CDHR3: variants seen among roughly 807,000 people sequenced by gnomAD.
The protein encoded by CDHR3 is cadherin related family member 3, also known as cadherin-related family member 3.
A neutral mutation model predicts 86.6 loss-of-function variants in CDHR3; 79 were observed. The ratio of observed to expected loss-of-function variants is 0.91; its 90% CI spans 0.76 to 1.10. CDHR3 has a LOEUF of 1.10. CDHR3 is among the 50% of genes least tolerant of loss of function. CDHR3 has a pLI of 0.00. For missense variants in CDHR3, 1,081 were observed against 1,077.6 expected, an observed-to-expected ratio of 1.00 and a Z score of -0.04; for synonymous variants, 421 against 402.4, an observed-to-expected ratio of 1.05 and a Z score of -0.55.
chr7:105,984,400 T>C lies in CDHR3; in HGVS notation c.513+111T>C, dbSNP rs916993908. ...GTTTGGGCAGTGGCAGTCAGGGGAA[T>C]GTGCGTCCACTTCCAAACACAGTGT... On this transcript the variant is annotated intron_variant, in intron 4 of 18. Coordinates refer to ENST00000317716, the MANE Select transcript of CDHR3 (RefSeq NM_152750.5). 4.9e-5 allele frequency: 32 copies of C among 656,638 alleles called. No individual in the cohort carries two copies. In the African/African-American group the frequency reaches 5.1e-4, roughly 10 times the overall value. The allele number at this position is 656,638 out of a possible 1,614,324, so 40.7% of individuals were successfully genotyped here. A position where few individuals can be genotyped will look rare whatever the true frequency, so the allele number is the denominator to read the frequency against.
Position 106,032,898 on chromosome 7 carries a change from A to T in CDHR3, c.*201A>T, listed in dbSNP as rs1838594130. 7.1e-6 allele frequency: 4 copies of T among 561,798 alleles called. No homozygotes were observed. Among genetic ancestry groups the T allele is most frequent in the Non-Finnish European group, 1.3e-5 (4 of 319,942 alleles). 34.8% of individuals were successfully genotyped at this position (561,798 alleles called of 1,614,324 possible). On this transcript the variant is annotated 3_prime_UTR_variant, in exon 19 of 19. Coordinates refer to ENST00000317716, the MANE Select transcript of CDHR3 (RefSeq NM_152750.5). ...ATAGTTGCGTGTTCTGAAATGATAC[A>T]GGAACATTTTCTATCAGATTTCAGA...
chr7:106,008,979 G>T (rs1314353728), intron 8 of CDHR3, among the ~76,000 whole-genome samples: 2 of 152,144 alleles, frequency 1.3e-5, no homozygotes, highest in Non-Finnish European at 2.9e-5. Context: ...CTGCAGTCCA[G>T]AGTCCCCTGG....
At chr7:106,008,412 G>T (rs957510287) in intron 8 of CDHR3, among the ~76,000 whole-genome samples, 1 of 152,114 alleles carries the variant, frequency 6.6e-6, no homozygotes, top group African/African-American at 2.4e-5. Context: ...GGTGGTAAGG[G>T]TGCTTCACTC....
chr7:105,982,158 A>G (rs1052811795), intron 3 of CDHR3, among the ~76,000 whole-genome samples: 4 of 152,132 alleles, frequency 2.6e-5, no homozygotes, highest in African/African-American at 9.7e-5. Flanking sequence ...CGTCTCACTC[A>G]AAGGGAGTCT....
chr7:106,020,090 A>G (rs1181377089), intron 12 of CDHR3, among the ~76,000 whole-genome samples: 1 of 152,232 alleles, frequency 6.6e-6, no homozygotes, highest in Non-Finnish European at 1.5e-5. Flanking sequence ...GTGCACACAC[A>G]CATGCATATG....
chr7:106,032,741 C>T lies in CDHR3; in HGVS notation c.*44C>T. The T allele has an allele frequency of 1.3e-6, 2 of 1,549,802 alleles. No homozygotes were observed. The highest frequency in any genetic ancestry group is 1.7e-6 in the Non-Finnish European group (2 of 1,144,788). On this transcript the variant is annotated 3_prime_UTR_variant, in exon 19 of 19. Coordinates refer to ENST00000317716, the MANE Select transcript of CDHR3 (RefSeq NM_152750.5). ...CCTGTCAATCACTGAGATGCTGCCT[C>T]ACCCTAAATTCTATGGGGATGGTGT...
chr7:105,976,927 T>A (rs1167909497), intron 2 of CDHR3, among the ~76,000 whole-genome samples: 3 of 152,100 alleles, frequency 2.0e-5, no homozygotes, highest in Non-Finnish European at 4.4e-5. Flanking sequence ...ATGAAGATGA[T>A]CATGTTCCTT....
Position 105,998,225 on chromosome 7 carries a change from C to A in CDHR3, c.713+1871C>A, listed in dbSNP as rs200040709. Among the ~76,000 whole-genome samples the A allele has an allele frequency of 2.0e-5, 3 of 152,216 alleles. No individual in the cohort carries two copies. The East Asian group carries it at 5.8e-4, about 29-fold the overall frequency. ...TCAGTGCTAGCACTAACGATAACTT[C>A]TTTAATTCAGGATTAACAAAATTAA... On this transcript the variant is annotated intron_variant, in intron 6 of 18. Coordinates refer to ENST00000317716, the MANE Select transcript of CDHR3 (RefSeq NM_152750.5).
intron 1 of CDHR3, among the ~76,000 whole-genome samples, chr7:105,972,846 G>A (rs1181866186): frequency 1.3e-5 from 2 of 152,100 alleles, no homozygotes; most frequent in Non-Finnish European, 2.9e-5. Flanking sequence ...TTCTGCGAGC[G>A]ACAATAACTT....
chr7:106,006,813 G>A (rs541556914), intron 8 of CDHR3, among the ~76,000 whole-genome samples: 2 of 152,338 alleles, frequency 1.3e-5, no homozygotes, highest in South Asian at 2.1e-4. Flanking sequence ...CTGGAGGACA[G>A]TGGCCCTCTT....
intron 4 of CDHR3, among the ~76,000 whole-genome samples, chr7:105,988,354 A>G (rs1299223531): frequency 6.6e-6 from 1 of 152,224 alleles, no homozygotes; most frequent in African/African-American, 2.4e-5. Context: ...TTCAAGAACC[A>G]CTGGACTGAA....
chr7:106,017,949 T>C lies in CDHR3; in HGVS notation c.1530T>C (p.Asn510=). 2 of 1,613,516 alleles carry C rather than the reference T, an allele frequency of 1.2e-6. No individual in the cohort carries two copies. The highest frequency in any genetic ancestry group is 1.3e-5 in the African/African-American group (1 of 75,004). ...STGGASLQYP[N]VFWINPKTGE... is the part of the protein sequence containing the mutation. Reference sequence around the variant, plus strand: ...GAGGGGCCAGCCTCCAGTATCCAAATGTATTTTGGATTAATCCCAAGACAG... The same window carrying C: ...GAGGGGCCAGCCTCCAGTATCCAAACGTATTTTGGATTAATCCCAAGACAG... Residue 510 remains asparagine (N), a synonymous_variant, in exon 12 of 19, where the codon AAT becomes AAC. Coordinates refer to ENST00000317716, the MANE Select transcript of CDHR3 (RefSeq NM_152750.5).
chr7:105,975,015 G>A lies in CDHR3; in HGVS notation c.218G>A (p.Arg73Lys), dbSNP rs1255804010. The A allele has an allele frequency of 2.5e-6, 4 of 1,613,948 alleles. No individual in the cohort carries two copies. Among genetic ancestry groups the A allele is most frequent in the Non-Finnish European group, 3.4e-6 (4 of 1,179,848 alleles). The change falls in exon 2 of 19, where the codon AGG becomes AAG. Residue 73 changes from arginine to lysine, a missense_variant. Arg to Lys is a conservative substitution (Grantham distance 26). Coordinates refer to ENST00000317716, the MANE Select transcript of CDHR3 (RefSeq NM_152750.5). ...TCAAATCCCCTCACTGAAGCTTTTA[G>A]GGTGAATTGGCTGTCAGGCACCTAC... ...VNSNPLTEAF[R>K]VNWLSGTYFE...
At chr7:105,978,071 T>G (rs1424810527) in intron 2 of CDHR3, among the ~76,000 whole-genome samples, 1 of 152,192 alleles carries the variant, frequency 6.6e-6, no homozygotes, top group Non-Finnish European at 1.5e-5. Flanking sequence ...ATAGAGAGGT[T>G]GAGCAACTTG....
chr7:106,030,476 G>A lies in CDHR3; in HGVS notation c.2305-316G>A, dbSNP rs1452947946. ...CTACGCTCAGATTTTATTTACTCAGGATGCTTCCTTAACCCCCAAGTGTGG... is the reference window on the plus strand; with the variant it reads ...CTACGCTCAGATTTTATTTACTCAGAATGCTTCCTTAACCCCCAAGTGTGG... On this transcript the variant is annotated intron_variant, in intron 17 of 18. Transcript: ENST00000317716. The surrounding 1 kb of genome is among the most constrained non-coding windows in gnomAD (Gnocchi z 4.8). 6.6e-6 allele frequency among the ~76,000 whole-genome samples: 1 copy of A among 152,146 alleles called. No individual in the cohort carries two copies. The highest frequency in any genetic ancestry group is 1.5e-5 in the Non-Finnish European group (1 of 68,018).
At position 106,024,509 on chromosome 7, in the gene CDHR3, C is replaced by T. The variant is rs1837063961; in HGVS notation, c.2205C>T (p.Ala735=). 1 of 1,613,908 alleles carries T rather than the reference C, an allele frequency of 6.2e-7. No homozygotes were observed. The highest frequency in any genetic ancestry group is 1.1e-5 in the South Asian group (1 of 91,088). The change falls in exon 15 of 19, where the codon GCC becomes GCT. Residue 735 remains alanine, a synonymous_variant. Transcript: ENST00000317716. ...TCGTGTACCTGGTCGTCCTATTGGC[C>T]AAAGCCATCCACAGACACTGCCCCT... ...GLLVYLVVLL[A]KAIHRHCPCK...
In CDHR3 at chr7:106,024,443, G is replaced by A. The variant is rs374632785; in HGVS notation, c.2139G>A (p.Pro713=). The A allele has an allele frequency of 2.4e-5, 38 of 1,613,888 alleles. No individual in the cohort carries two copies. Among genetic ancestry groups the A allele is most frequent in the Admixed American group, 2.2e-4 (13 of 60,008 alleles). Reference sequence around the variant, plus strand: ...ACTCTCCATCTGCATGGTACGTGCCGTTTGTCATCACTTTGGGCTCCATAT... The same window carrying A: ...ACTCTCCATCTGCATGGTACGTGCCATTTGTCATCACTTTGGGCTCCATAT... The part of the protein sequence containing the change: ...NVYSPSAWYV[P]FVITLGSILL... The change falls in exon 15 of 19, where the codon CCG becomes CCA. Residue 713 remains proline, a synonymous_variant. Transcript: ENST00000317716.
chr7:105,983,568 C>T (rs577555114), intron 3 of CDHR3, among the ~76,000 whole-genome samples: 1 of 152,202 alleles, frequency 6.6e-6, no homozygotes, highest in East Asian at 1.9e-4. Flanking sequence ...GGAAAAAATG[C>T]CCGAGTGAGA....
intron 2 of CDHR3, among the ~76,000 whole-genome samples, chr7:105,975,671 C>T (rs1241489983): frequency 6.6e-6 from 1 of 152,188 alleles, no homozygotes; most frequent in Non-Finnish European, 1.5e-5. Context: ...TGGGGACAAG[C>T]CTGCTTCTTG....
Sources: gnomAD v4.1 joint callset for allele counts (sites outside exome capture counted in the v4.1 genomes callset) on GRCh38, gnomAD v4.1.1 for gene constraint, Gnocchi (gnomAD v3.1) non-coding constraint, MANE v1.5 for transcripts, NCBI Gene and HGNC (gene_info 2026-07-23, HGNC 2026-07-21) for gene names.